CAMTA1: variants seen among roughly 807,000 people sequenced by gnomAD.
CAMTA1 encodes the protein calmodulin-binding transcription activator 1.
A neutral mutation model predicts 170.9 loss-of-function variants in CAMTA1; 27 were observed. That is an observed-to-expected ratio of 0.16 (90% CI 0.12 to 0.22). CAMTA1 has a LOEUF of 0.22. Among genes scored for constraint, CAMTA1 ranks in the 10% least tolerant of loss-of-function variants. The pLI is 1.00. For synonymous variants in CAMTA1, 833 were observed against 891.5 expected, an observed-to-expected ratio of 0.93 and a Z score of 1.17; for missense variants, 1,619 against 2,217.2, an observed-to-expected ratio of 0.73 and a Z score of 5.42.
intron 3 of CAMTA1, among the ~76,000 whole-genome samples, chr1:7,045,483 A>G (rs1705222863): frequency 6.6e-6 from 1 of 151,912 alleles, no homozygotes; most frequent in African/African-American, 2.4e-5. Flanking sequence ...ATTAATTTGT[A>G]CCCCCCAGCA....
At chr1:7,500,291 AGT>A (rs1291399393) in intron 6 of CAMTA1, among the ~76,000 whole-genome samples, 6 of 104,944 alleles carry the variant, frequency 5.7e-5, no homozygotes, top group East Asian at 6.6e-4. Flanking sequence ...TATGTATATG[AGT>A]GTGTGTGTGC....
At chr1:7,745,205 A>T (rs1033802488) in intron 17 of CAMTA1, among the ~76,000 whole-genome samples, 183 bp downstream of exon 17, 1 of 151,758 alleles carries the variant, frequency 6.6e-6, no homozygotes, top group Non-Finnish European at 1.5e-5. Flanking sequence ...CTCTCCCATT[A>T]TTTTTTTTAC....
intron 3 of CAMTA1, among the ~76,000 whole-genome samples, chr1:7,080,850 A>G (rs981699664): frequency 6.6e-6 from 1 of 152,204 alleles, no homozygotes; most frequent in African/African-American, 2.4e-5. Context: ...TAGCTAGTAG[A>G]AGGGTGGTTG....
At chr1:6,973,481 A>G (rs1178174988) in intron 3 of CAMTA1, among the ~76,000 whole-genome samples, 1 of 152,234 alleles carries the variant, frequency 6.6e-6, no homozygotes, top group Non-Finnish European at 1.5e-5. Flanking sequence ...GCTGAATAAT[A>G]TTCTACCATG....
intron 6 of CAMTA1, among the ~76,000 whole-genome samples, chr1:7,618,149 C>T (rs2095572276): frequency 6.6e-6 from 1 of 152,238 alleles, no homozygotes; most frequent in African/African-American, 2.4e-5. Context: ...GATCACATCA[C>T]ACTGGCACAT....
chr1:7,689,786 CCTCT>C (rs931018652), intron 11 of CAMTA1, among the ~76,000 whole-genome samples: 38 of 152,296 alleles, frequency 2.5e-4, no homozygotes, highest in South Asian at 1.0e-3. Context: ...TGCTCTCCTC[CCTCT>C]GTCTGCCTCC....
intron 6 of CAMTA1, among the ~76,000 whole-genome samples, chr1:7,551,654 T>C (rs2094804762): frequency 6.6e-6 from 1 of 152,222 alleles, no homozygotes; most frequent in South Asian, 2.1e-4. Flanking sequence ...CCCCTGTGGC[T>C]TTGCCTGAAT....
At chr1:7,496,370 G>A (rs1235566369) in intron 6 of CAMTA1, among the ~76,000 whole-genome samples, 3 of 152,200 alleles carry the variant, frequency 2.0e-5, no homozygotes, top group African/African-American at 7.2e-5. Flanking sequence ...GGGTAAGCAT[G>A]TGGGTGAGGA....
intron 3 of CAMTA1, among the ~76,000 whole-genome samples, chr1:6,966,198 CA>C (rs1378162233): frequency 1.3e-5 from 2 of 152,158 alleles, no homozygotes; most frequent in East Asian, 3.8e-4. Context: ...ATGTAATTAA[CA>C]TATCACGCAA....
Position 7,665,212 on chromosome 1 carries a change from C to A in CAMTA1, c.2652+13C>A. The A allele has an allele frequency of 1.4e-6, 2 of 1,431,172 alleles. No homozygotes were observed. The highest frequency in any genetic ancestry group is 3.3e-5 in the South Asian group (2 of 59,870). The allele number at this position is 1,431,172 out of a possible 1,614,324, so 88.7% of individuals were successfully genotyped here. On this transcript the variant is annotated intron_variant, in intron 9 of 22. Transcript: ENST00000303635. This position sits in a 1 kb window ranked among gnomAD's most constrained non-coding sequence, Gnocchi z 4.3. The stretch of plus-strand genomic sequence containing the variant: ...GTCTTACCCAGAGGTAAGCTGCCGC[C>A]GCTGCCACCACCTGTCACCTCCCCT...
intron 5 of CAMTA1, among the ~76,000 whole-genome samples, chr1:7,310,671 C>CTCTCT (rs59687486): frequency 1.5e-4 from 5 of 33,306 alleles, no homozygotes; most frequent in Admixed American, 8.4e-4. Context: ...TTCTTTCTTT[C>CTCTCT]CTTTCTTTCT....
rs1463912999 is a variant in CAMTA1 at position 7,299,846 on chromosome 1, C to T, written c.438+50220C>T. Among the ~76,000 whole-genome samples, 4 of 152,144 alleles carry T rather than the reference C, an allele frequency of 2.6e-5. No individual in the cohort carries two copies. The highest frequency in any genetic ancestry group is 9.7e-5 in the African/African-American group (4 of 41,434). ...CAGGGCAGATCTCAGTTTTATAGGA[C>T]CTTGTGTAAGAATAAGCAATACAAA... is the stretch of plus-strand genomic sequence containing the variant. On this transcript the variant is annotated intron_variant, in intron 5 of 22. Transcript: ENST00000303635. The surrounding 1 kb of genome is among the most constrained non-coding windows in gnomAD (Gnocchi z 4.7).
intron 5 of CAMTA1, among the ~76,000 whole-genome samples, chr1:7,413,324 T>C (rs1307440087): frequency 6.6e-6 from 1 of 152,180 alleles, no homozygotes. Context: ...GGGATGGCAT[T>C]GAATCTATAA....
chr1:7,477,250 C>T (rs1223582574), intron 6 of CAMTA1, among the ~76,000 whole-genome samples: 1 of 152,104 alleles, frequency 6.6e-6, no homozygotes, highest in African/African-American at 2.4e-5. Flanking sequence ...GCAAAGCCCT[C>T]CTGCAGCTGG....
intron 3 of CAMTA1, 131 bp from the exon 4 acceptor site, chr1:7,091,173 T>C: frequency 2.9e-6 from 2 of 701,346 alleles, no homozygotes; most frequent in Non-Finnish European, 2.6e-6. Context: ...AAGTCGAGTA[T>C]TTCTCTAGCA....
intron 3 of CAMTA1, among the ~76,000 whole-genome samples, chr1:6,827,746 A>G (rs991065579): frequency 2.6e-5 from 4 of 152,202 alleles, no homozygotes; most frequent in Admixed American, 6.5e-5. Context: ...ATGCTAAATC[A>G]TATTTAGTCA....
At chr1:7,016,696 G>A (rs1391280108) in intron 3 of CAMTA1, among the ~76,000 whole-genome samples, 5 of 152,244 alleles carry the variant, frequency 3.3e-5, no homozygotes, top group African/African-American at 4.8e-5. Flanking sequence ...TTAGCCTTGC[G>A]TGGTGGCAGA....
At chr1:7,558,346 G>T (rs528783951) in intron 6 of CAMTA1, among the ~76,000 whole-genome samples, 1 of 152,208 alleles carries the variant, frequency 6.6e-6, no homozygotes, top group Non-Finnish European at 1.5e-5. Flanking sequence ...AGGCCGCCAG[G>T]GTTGAAGGCG....
At chr1:7,016,754 GA>G (rs1700601688) in intron 3 of CAMTA1, among the ~76,000 whole-genome samples, 1 of 151,972 alleles carries the variant, frequency 6.6e-6, no homozygotes. Flanking sequence ...AGAATCACTT[GA>G]ACCCAGGAGG....
Sources: allele counts gnomAD v4.1 joint callset (sites outside exome capture counted in the v4.1 genomes callset), GRCh38; gene constraint gnomAD v4.1.1; non-coding constraint Gnocchi (gnomAD v3.1); transcripts MANE v1.5; gene names NCBI Gene and HGNC (gene_info 2026-07-23, HGNC 2026-07-21).